Variants in MAST4 observed in about 807,000 individuals in gnomAD.
The protein encoded by MAST4 is microtubule associated serine/threonine kinase family member 4.
Under a neutral mutation model 162.7 loss-of-function variants are expected in MAST4, and 89 were observed. That is an observed-to-expected ratio of 0.55 (90% CI 0.46 to 0.65). The LOEUF (loss-of-function observed/expected upper bound fraction) is 0.65, where lower values mean the gene tolerates loss of function less well. MAST4 is among the 30% of genes least tolerant of loss of function. The pLI is 0.00. For missense variants in MAST4, 3,153 were observed against 3,374.0 expected, an observed-to-expected ratio of 0.93 and a Z score of 1.62; for synonymous variants, 1,479 against 1,361.1, an observed-to-expected ratio of 1.09 and a Z score of -1.91.
intron 4 of MAST4, chr5:67,002,124 CTTGAGT>C (rs1751367970): frequency 6.6e-6 from 1 of 152,062 alleles, no homozygotes; most frequent in Non-Finnish European, 1.5e-5. Flanking sequence ...GGGAATTCCC[CTTGAGT>C]TTGATTGTGA....
At chr5:66,857,448 G>A (rs977158734) in intron 3 of MAST4, among the ~76,000 whole-genome samples, 20 of 152,196 alleles carry the variant, frequency 1.3e-4, no homozygotes, top group African/African-American at 4.3e-4. Flanking sequence ...GGGTTCTATA[G>A]TATACACATT....
chr5:66,897,001 A>G (rs1013510840), intron 3 of MAST4, among the ~76,000 whole-genome samples: 3 of 152,226 alleles, frequency 2.0e-5, no homozygotes. Context: ...AGGATACAAT[A>G]TCAAGCAAGT....
At chr5:67,086,857 C>G (rs1206445378) in intron 5 of MAST4, among the ~76,000 whole-genome samples, 2 of 152,224 alleles carry the variant, frequency 1.3e-5, no homozygotes, top group Non-Finnish European at 2.9e-5. Context: ...ATGTGCACAG[C>G]AGTCAAGTCC....
chr5:66,881,339 T>G lies in MAST4; in HGVS notation c.643-18612T>G, dbSNP rs116824417. Among the ~76,000 whole-genome samples, 271 of 152,352 alleles carry G rather than the reference T, an allele frequency of 1.8e-3. 2 individuals carry two copies. Among genetic ancestry groups the G allele is most frequent in the African/African-American group, 6.3e-3 (260 of 41,590 alleles). On this transcript the variant is annotated intron_variant, in intron 3 of 28. Transcript: ENST00000403625. ...TAAAGAATACGTGTAAAGATCATACTCATTATGGCTATTAAGATTTCAGCT... is the reference window on the plus strand; with the variant it reads ...TAAAGAATACGTGTAAAGATCATACGCATTATGGCTATTAAGATTTCAGCT...
intron 3 of MAST4, among the ~76,000 whole-genome samples, chr5:66,840,639 G>T (rs976819709): frequency 6.6e-6 from 1 of 152,146 alleles, no homozygotes; most frequent in Non-Finnish European, 1.5e-5. Context: ...TGGCCAATGA[G>T]CTATTAGTGG....
chr5:66,775,092 A>T (rs1234524591), intron 2 of MAST4, among the ~76,000 whole-genome samples: 1 of 151,704 alleles, frequency 6.6e-6, no homozygotes, highest in Admixed American at 6.6e-5. Flanking sequence ...GACAGCTCTG[A>T]TATATGATAT....
At chr5:66,874,590 T>C (rs1012400880) in intron 3 of MAST4, among the ~76,000 whole-genome samples, 1 of 152,224 alleles carries the variant, frequency 6.6e-6, no homozygotes, top group East Asian at 1.9e-4. Context: ...TGTAACAGTC[T>C]ACCCTTCTTT....
At chr5:67,066,993 C>T (rs1396759915) in intron 5 of MAST4, among the ~76,000 whole-genome samples, 2 of 152,208 alleles carry the variant, frequency 1.3e-5, no homozygotes, top group East Asian at 3.9e-4. Context: ...TTGTGTTAAA[C>T]TTCCAGGAAC....
At chr5:66,610,841 G>A (rs1743244057) in intron 1 of MAST4, among the ~76,000 whole-genome samples, 1 of 152,228 alleles carries the variant, frequency 6.6e-6, no homozygotes, top group South Asian at 2.1e-4. Flanking sequence ...TGAAGACATG[G>A]CCATGACCTT....
At position 67,145,183 on chromosome 5, in the gene MAST4, C is replaced by T. The variant is rs1427156045; in HGVS notation, c.2898C>T (p.Ser966=). 5.0e-6 allele frequency: 8 copies of T among 1,612,828 alleles called. No individual in the cohort carries two copies. The highest frequency in any genetic ancestry group is 3.3e-4 in the Middle Eastern group (2 of 6,062). The change falls in exon 23 of 29, where the codon AGC becomes AGT. Residue 966 remains serine (S), a synonymous_variant. Transcript: ENST00000403625. ...CATCCAACTCTTCAGATACTGAAAG[C>T]AACAGACATAAACTCAGTTCTGGCC... ...LSTSNSSDTE[S]NRHKLSSGLL...
At position 67,090,217 on chromosome 5, in the gene MAST4, T is replaced by C; in HGVS notation, c.819T>C (p.Phe273=). The C allele has an allele frequency of 1.2e-6, 2 of 1,612,690 alleles. No homozygotes were observed. Among genetic ancestry groups the C allele is most frequent in the Non-Finnish European group, 1.7e-6 (2 of 1,179,100 alleles). Residue 273 remains phenylalanine (F), a synonymous_variant, in exon 6 of 29, where the codon TTT becomes TTC. Coordinates refer to ENST00000403625, the MANE Select transcript of MAST4 (RefSeq NM_001164664.2). ...TCTCCCCCAGTGCCTCAGCCCATTT[T>C]TCATTTGCACGGAGGTAAGGACTTT... ...RNFSPSASAH[F]SFARRTDGRR...
At chr5:67,123,317 G>C (rs1767805545) in intron 14 of MAST4, among the ~76,000 whole-genome samples, 1 of 152,160 alleles carries the variant, frequency 6.6e-6, no homozygotes, top group Admixed American at 6.5e-5. Flanking sequence ...ATCATACTTG[G>C]TGAAAATTCA....
intron 18 of MAST4, among the ~76,000 whole-genome samples, chr5:67,136,223 T>C (rs1769624471): frequency 6.6e-6 from 1 of 152,218 alleles, no homozygotes; most frequent in Non-Finnish European, 1.5e-5. Flanking sequence ...GTTTCTATTA[T>C]TTTAAGTCTT....
At chr5:67,023,219 C>T (rs1176984501) in intron 4 of MAST4, among the ~76,000 whole-genome samples, 1 of 152,142 alleles carries the variant, frequency 6.6e-6, no homozygotes, top group East Asian at 1.9e-4. Context: ...TATTGTCCAG[C>T]TTAGCTTCAA....
chr5:66,955,288 G>T (rs1400959380), intron 4 of MAST4, among the ~76,000 whole-genome samples: 1 of 152,002 alleles, frequency 6.6e-6, no homozygotes, highest in Non-Finnish European at 1.5e-5. Context: ...TGTAAAGGAA[G>T]TTCAGGAGCA....
At chr5:66,822,450 G>T (rs549933968) in intron 3 of MAST4, among the ~76,000 whole-genome samples, 2 of 152,230 alleles carry the variant, frequency 1.3e-5, no homozygotes, top group African/African-American at 4.8e-5. Flanking sequence ...TCTTGGTTTT[G>T]TGGAATCCAC....
rs546785350 is a variant in MAST4 at position 66,687,776 on chromosome 5, GAC to G, written c.364-71932_364-71931del. 2.6e-3 allele frequency among the ~76,000 whole-genome samples: 393 copies of G among 152,190 alleles called. 4 individuals carry two copies. The highest frequency in any genetic ancestry group is 8.6e-3 in the African/African-American group (356 of 41,528). The stretch of plus-strand genomic sequence containing the variant: ...GAACAGTGCTGTGATAAACGTAACA[GAC>G]CAGGAATCTTTTTGATAAAACAATT... On this transcript the variant is annotated intron_variant, in intron 1 of 28. Transcript: ENST00000403625.
At chr5:66,712,763 A>G (rs895664700) in intron 1 of MAST4, among the ~76,000 whole-genome samples, 1 of 152,150 alleles carries the variant, frequency 6.6e-6, no homozygotes, top group Non-Finnish European at 1.5e-5. Flanking sequence ...GAAAAAATAA[A>G]CCCACTAGTA....
At chr5:67,096,892 G>A (rs1045468218) in intron 7 of MAST4, among the ~76,000 whole-genome samples, 2 of 152,076 alleles carry the variant, frequency 1.3e-5, no homozygotes, top group African/African-American at 2.4e-5. Context: ...AGGCATATCA[G>A]CATCAGTAAA....
Sources: allele counts gnomAD v4.1 joint callset (sites outside exome capture counted in the v4.1 genomes callset), GRCh38; gene constraint gnomAD v4.1.1; transcripts MANE v1.5; gene names NCBI Gene and HGNC (gene_info 2026-07-23, HGNC 2026-07-21).